Variants in SYT1 observed in about 807,000 individuals in gnomAD.
The protein encoded by SYT1 is synaptotagmin-1.
SYT1 carries 8 observed loss-of-function variants against 44.8 expected under a neutral mutation model. The ratio of observed to expected loss-of-function variants is 0.18; its 90% CI spans 0.10 to 0.32. The LOEUF is 0.32. Among genes scored for constraint, SYT1 ranks in the 10% least tolerant of loss-of-function variants. SYT1 has a pLI of 1.00. For synonymous variants in SYT1, 154 were observed against 188.8 expected (o/e 0.82, Z 1.51); for missense variants, 286 against 509.3 (o/e 0.56, Z 4.22).
chr12:79,126,539 G>A (rs576979807), intron 3 of SYT1, among the ~76,000 whole-genome samples: 22 of 152,300 alleles, frequency 1.4e-4, no homozygotes, highest in Middle Eastern at 3.4e-3. Context: ...GATTATAGGC[G>A]TGAGCCACCA....
intron 9 of SYT1, among the ~76,000 whole-genome samples, chr12:79,368,966 C>T (rs1264752770): frequency 6.6e-6 from 1 of 152,134 alleles, no homozygotes; most frequent in South Asian, 2.1e-4. Context: ...GACATGAAGT[C>T]CTTGCCCATG....
At chr12:79,207,262 G>A (rs1391492778) in intron 3 of SYT1, among the ~76,000 whole-genome samples, 1 of 152,096 alleles carries the variant, frequency 6.6e-6, no homozygotes, top group Non-Finnish European at 1.5e-5. Context: ...GCTATCGATG[G>A]GCACACACTG....
chr12:79,081,012 C>G (rs756817890), intron 3 of SYT1, among the ~76,000 whole-genome samples: 4 of 152,102 alleles, frequency 2.6e-5, no homozygotes, highest in Non-Finnish European at 5.9e-5. Flanking sequence ...TAAAACTCTT[C>G]AGATGGTATA....
At chr12:78,951,894 T>G (rs1878987448) in intron 1 of SYT1, among the ~76,000 whole-genome samples, 1 of 152,154 alleles carries the variant, frequency 6.6e-6, no homozygotes, top group African/African-American at 2.4e-5. Flanking sequence ...TCTGCACTTC[T>G]GTCTGTTCTA....
In SYT1 at chr12:79,002,737, C is replaced by A. The variant is rs565992870; in HGVS notation, c.-84+24806C>A. ...GACGCTCAAATTCACTGAGTCACTC[C>A]ATTGGGATCCTTCTATTGTTGTTAA... On this transcript the variant is annotated intron_variant, in intron 2 of 10. Transcript: ENST00000261205. Among the ~76,000 whole-genome samples, 6 of 152,038 alleles carry A rather than the reference C, an allele frequency of 3.9e-5. No individual in the cohort carries two copies. In the East Asian group the frequency reaches 9.7e-4, roughly 24 times the overall value.
intron 2 of SYT1, among the ~76,000 whole-genome samples, chr12:79,003,206 G>C (rs1026481172): frequency 3.3e-5 from 5 of 152,024 alleles, no homozygotes; most frequent in African/African-American, 9.6e-5. Flanking sequence ...TAGTGCCTTT[G>C]ATCCAGTGAT....
intron 1 of SYT1, among the ~76,000 whole-genome samples, chr12:78,916,432 A>C (rs1228532201): frequency 1.3e-5 from 2 of 152,044 alleles, no homozygotes; most frequent in Non-Finnish European, 2.9e-5. Context: ...ACTGAAACCA[A>C]TATTCCTTTG....
intron 3 of SYT1, among the ~76,000 whole-genome samples, chr12:79,178,961 GATATAGATATATAGATATAGATATATCT>G (rs1872102359): frequency 5.1e-5 from 1 of 19,540 alleles, no homozygotes; most frequent in East Asian, 5.9e-4. Context: ...TATAGATATA[GATATAGATATATAGATATAGATATATCT>G]ATATAGATAT....
intron 2 of SYT1, among the ~76,000 whole-genome samples, chr12:79,044,092 A>T (rs561775305): frequency 6.6e-6 from 1 of 151,906 alleles, no homozygotes; most frequent in East Asian, 1.9e-4. Context: ...GGTGAATCTG[A>T]CAATTATGTG....
chr12:78,892,966 A>T (rs1875139277), intron 1 of SYT1, among the ~76,000 whole-genome samples: 1 of 151,904 alleles, frequency 6.6e-6, no homozygotes, highest in Admixed American at 6.6e-5. Context: ...TAATATTCTC[A>T]TAATGGTTTG....
chr12:79,245,348 G>A (rs141921637), intron 4 of SYT1, among the ~76,000 whole-genome samples: 164 of 149,296 alleles, frequency 1.1e-3, no homozygotes, highest in Non-Finnish European at 1.8e-3. Flanking sequence ...GTTAGCGGGC[G>A]CCTGTAGTCC....
chr12:78,927,093 TCAA>T lies in SYT1; in HGVS notation c.-216-50701_-216-50699del, dbSNP rs201631282. On this transcript the variant is annotated intron_variant, in intron 1 of 10. Coordinates refer to ENST00000261205, the MANE Select transcript of SYT1 (RefSeq NM_005639.3). Reference sequence around the variant, plus strand: ...GTCTCATCTTCCAAATGAGGTAGATTCAACAACGTTTCCAAGTTGTAGCTCCTC... The same window carrying T: ...GTCTCATCTTCCAAATGAGGTAGATTCAACGTTTCCAAGTTGTAGCTCCTC... Among the ~76,000 whole-genome samples the T allele has an allele frequency of 3.6e-4, 55 of 152,274 alleles. 1 individual carries two copies. In the East Asian group the frequency reaches 9.1e-3, roughly 25 times the overall value.
chr12:79,230,580 A>G (rs945958095), intron 4 of SYT1, among the ~76,000 whole-genome samples: 1 of 152,208 alleles, frequency 6.6e-6, no homozygotes, highest in Non-Finnish European at 1.5e-5. Context: ...AATGTGCAGT[A>G]GGACTCTATC....
chr12:79,004,632 CAG>C (rs1416331433), intron 2 of SYT1, among the ~76,000 whole-genome samples: 4 of 151,854 alleles, frequency 2.6e-5, no homozygotes, highest in African/African-American at 9.7e-5. Flanking sequence ...TTCATAAATA[CAG>C]AGTGAAAATA....
rs538162646 is a variant in SYT1, at chr12:78,968,772, T to C, written c.-216-9027T>C. Among the ~76,000 whole-genome samples the C allele has an allele frequency of 9.9e-5, 15 of 152,256 alleles. No homozygotes were observed. The East Asian group carries it at 2.7e-3, about 27-fold the overall frequency. The stretch of plus-strand genomic sequence containing the variant: ...GCCAAAGTAGGGTTCAGTAATATTT[T>C]AGCAGACATAATATCTAAGCTCAGG... On this transcript the variant is annotated intron_variant, in intron 1 of 10. Coordinates refer to ENST00000261205, the MANE Select transcript of SYT1 (RefSeq NM_005639.3).
intron 3 of SYT1, among the ~76,000 whole-genome samples, chr12:79,208,236 A>G (rs1278672126): frequency 6.6e-6 from 1 of 152,094 alleles, no homozygotes; most frequent in Non-Finnish European, 1.5e-5. Context: ...GTTTCAGGAG[A>G]TGACATTGTG....
chr12:78,952,584 C>G (rs907639424), intron 1 of SYT1, among the ~76,000 whole-genome samples: 2 of 152,078 alleles, frequency 1.3e-5, no homozygotes, highest in African/African-American at 2.4e-5. Context: ...ACTGTTGTTA[C>G]TATTAATTTA....
intron 9 of SYT1, among the ~76,000 whole-genome samples, chr12:79,363,163 A>G (rs1593001676): frequency 6.6e-6 from 1 of 152,270 alleles, no homozygotes; most frequent in Admixed American, 6.5e-5. Flanking sequence ...AATTTCTAAT[A>G]GGTAATTGCA....
At chr12:79,305,484 T>A (rs1415741974) in intron 8 of SYT1, among the ~76,000 whole-genome samples, 1 of 151,668 alleles carries the variant, frequency 6.6e-6, no homozygotes, top group Non-Finnish European at 1.5e-5. Flanking sequence ...TCTCTACCTA[T>A]CCTATAAACA....
Sources: gnomAD v4.1 joint callset for allele counts (sites outside exome capture counted in the v4.1 genomes callset) on GRCh38, gnomAD v4.1.1 for gene constraint, MANE v1.5 for transcripts, NCBI Gene and HGNC (gene_info 2026-07-23, HGNC 2026-07-21) for gene names.